The following HIP1R variants were observed in gnomAD, a reference collection of about 807,000 sequenced individuals.
HIP1R encodes huntingtin-interacting protein 1-related protein.
HIP1R carries 135 observed loss-of-function variants against 144.2 expected under a neutral mutation model. The observed-to-expected ratio is 0.94, with a 90% CI of 0.81 to 1.08. HIP1R has a LOEUF of 1.08. HIP1R is among the 50% of genes least tolerant of loss of function. The pLI, the probability that HIP1R is intolerant of heterozygous loss-of-function variation, is 0.00. For missense variants in HIP1R, 1,462 were observed against 1,432.8 expected (o/e 1.02, Z -0.33); for synonymous variants, 698 against 612.8 (o/e 1.14, Z -2.05).
Position 122,856,488 on chromosome 12 carries a change from G to C in HIP1R, c.1458G>C (p.Ala486=). ...CGCAGCAAAGCCAGGAGGAGGTGGC[G>C]CGGGTGAAGGAGCAGCTGGCCTTCC... is the stretch of plus-strand genomic sequence containing the variant. ...TVTQQSQEEV[A]RVKEQLAFQV... is the part of the protein sequence containing the mutation. Residue 486 remains alanine, a synonymous_variant, in exon 16 of 32, where the codon GCG becomes GCC. Transcript: ENST00000253083. 2.5e-6 allele frequency: 4 copies of C among 1,591,204 alleles called. No homozygotes were observed. The highest frequency in any genetic ancestry group is 3.4e-6 in the Non-Finnish European group (4 of 1,168,266).
Position 122,858,140 on chromosome 12 carries a change from C to T in HIP1R, c.1854C>T (p.Asp618=), listed in dbSNP as rs377459887. ...QEQGLRQRLL[D]EQFAVLRGAA... ...AGGGGCTGCGGCAGAGGCTGCTGGA[C>T]GAGCAGTTCGCAGTGTTGCGGGGCG... Residue 618 remains aspartate, a synonymous_variant, in exon 19 of 32, where the codon GAC becomes GAT. Coordinates refer to ENST00000253083, the MANE Select transcript of HIP1R (RefSeq NM_003959.3). 2.6e-5 allele frequency: 41 copies of T among 1,601,184 alleles called. No individual in the cohort carries two copies. The highest frequency in any genetic ancestry group is 2.4e-4 in the African/African-American group (18 of 74,814).
At chr12:122,847,779 G>A (rs1321249264) in intron 1 of HIP1R, among the ~76,000 whole-genome samples, 1 of 152,174 alleles carries the variant, frequency 6.6e-6, no homozygotes, top group Non-Finnish European at 1.5e-5. Flanking sequence ...GCCTCCCGGA[G>A]CCATAGCCCA....
chr12:122,860,567 C>A (rs1314246625), intron 27 of HIP1R, 44 bp downstream of exon 27: 1 of 1,583,048 alleles, frequency 6.3e-7, no homozygotes, highest in East Asian at 2.2e-5. Flanking sequence ...TGCTTCCTGC[C>A]AGTTGGAGCA....
Position 122,860,506 on chromosome 12 carries a change from G to C in HIP1R, c.2643G>C (p.Trp881Cys), listed in dbSNP as rs2033736413. 1 of 1,612,764 alleles carries C rather than the reference G, an allele frequency of 6.2e-7. No homozygotes were observed. Among genetic ancestry groups the C allele is most frequent in the Non-Finnish European group, 8.5e-7 (1 of 1,179,662 alleles). Residue 881 changes from tryptophan to cysteine, a missense_variant, in exon 27 of 32, where the codon TGG becomes TGC. Trp to Cys is a radical substitution (Grantham distance 215). Around this residue, in one of 2 missense-constraint regions of HIP1R, gnomAD observed 1,112 missense variants for 1,011.7 expected, o/e 1.10. Coordinates refer to ENST00000253083, the MANE Select transcript of HIP1R (RefSeq NM_003959.3). Reference sequence around the variant, plus strand: ...TCTCGGCCTCCAAGGCTGTGGGCTGGGGAGCCACACAGCTGGTGTAGGTTG... The same window carrying C: ...TCTCGGCCTCCAAGGCTGTGGGCTGCGGAGCCACACAGCTGGTGTAGGTTG... ...GLISASKAVG[W>C]GATQLVEAAD...
rs1181495996 is a variant in HIP1R, at chr12:122,861,155, C to T, written c.2915C>T (p.Ser972Phe). 2 of 1,613,132 alleles carry T rather than the reference C, an allele frequency of 1.2e-6. No individual in the cohort carries two copies. Among genetic ancestry groups the T allele is most frequent in the Non-Finnish European group, 8.5e-7 (1 of 1,179,948 alleles). Residue 972 changes from serine to phenylalanine, a missense_variant, in exon 30 of 32, where the codon TCC becomes TTC. Ser to Phe is a radical substitution (Grantham distance 155). Coordinates refer to ENST00000253083, the MANE Select transcript of HIP1R (RefSeq NM_003959.3). The part of the protein sequence containing the change: ...DRDTMDFSGL[S>F]LIKLKKQEME... ...GACACCATGGATTTCTCCGGCCTGT[C>T]CCTCATCAAGCTGAAGAAGCAGGAG...
chr12:122,858,059 T>C, intron 18 of HIP1R, 43 bp from the exon 19 acceptor site: 13 of 1,481,304 alleles, frequency 8.8e-6, no homozygotes, highest in Non-Finnish European at 1.2e-5. Context: ...ATCCTTGGCC[T>C]TGGGGAGGAT....
chr12:122,835,144 G>C (rs1357337729), upstream of HIP1R: 1 of 606,408 alleles, frequency 1.6e-6, no homozygotes, highest in African/African-American at 2.2e-5. Flanking sequence ...GTGGGGAGGA[G>C]CTGGGGGGGC....
rs770053037 is a variant in HIP1R, at chr12:122,858,151, C to A, written c.1865C>A (p.Ala622Glu). ...LRQRLLDEQF[A>E]VLRGAAAEAA... Reference sequence around the variant, plus strand: ...CAGAGGCTGCTGGACGAGCAGTTCGCAGTGTTGCGGGGCGCTGCTGCCGAG... The same window carrying A: ...CAGAGGCTGCTGGACGAGCAGTTCGAAGTGTTGCGGGGCGCTGCTGCCGAG... Residue 622 changes from alanine to glutamate, a missense_variant, in exon 19 of 32, where the codon GCA (alanine) becomes GAA (glutamate). Ala to Glu is a moderately radical substitution (Grantham distance 107). Around this residue, in one of 2 missense-constraint regions of HIP1R, gnomAD observed 1,112 missense variants for 1,011.7 expected, o/e 1.10. Transcript: ENST00000253083. 4 of 1,604,448 alleles carry A rather than the reference C, an allele frequency of 2.5e-6. No homozygotes were observed. In the South Asian group the frequency reaches 4.4e-5, roughly 18 times the overall value.
At chr12:122,848,304 A>G (rs2033268831) in intron 2 of HIP1R, among the ~76,000 whole-genome samples, 162 bp from the exon 3 acceptor site, 1 of 151,726 alleles carries the variant, frequency 6.6e-6, no homozygotes. Context: ...TCTTGCCCTA[A>G]CTCCTGTCCC....
At chr12:122,847,246 C>T (rs927511903) in intron 1 of HIP1R, among the ~76,000 whole-genome samples, 2 of 152,040 alleles carry the variant, frequency 1.3e-5, no homozygotes, top group African/African-American at 4.8e-5. Flanking sequence ...GTGAGCCCTC[C>T]TCGAGAGCAC....
Position 122,836,048 on chromosome 12 carries a change from G to A in HIP1R, c.93+405G>A, listed in dbSNP as rs1320587424. On this transcript the variant is annotated intron_variant, in intron 1 of 31. Coordinates refer to ENST00000253083, the MANE Select transcript of HIP1R (RefSeq NM_003959.3). The surrounding 1 kb of genome is among the most constrained non-coding windows in gnomAD (Gnocchi z 4.1). ...GGTCGAGGGGGCTGGGGATCCAGGT[G>A]CTCCCGGGGCCGGCGCGGCCCGACT... is the stretch of plus-strand genomic sequence containing the variant. Among the ~76,000 whole-genome samples, 1 of 151,846 alleles carries A rather than the reference G, an allele frequency of 6.6e-6. No individual in the cohort carries two copies. Among genetic ancestry groups the A allele is most frequent in the African/African-American group, 2.4e-5 (1 of 41,366 alleles).
rs568357520 is a variant in HIP1R, at chr12:122,858,839, C to T, written c.2052C>T (p.Asp684=). ...GHAQYLTSLA[D]ASALVAALTR... ...CCTTGGCCCCACCCACCCGCACAGA[C>T]GCCTCCGCCCTGGTGGCAGCTCTGA... The change falls in exon 21 of 32, where the codon GAC becomes GAT. Residue 684 remains aspartate (D), a splice_region_variant and synonymous_variant. Coordinates refer to ENST00000253083, the MANE Select transcript of HIP1R (RefSeq NM_003959.3). The T allele has an allele frequency of 3.5e-5, 57 of 1,610,574 alleles. 1 individual carries two copies. Among genetic ancestry groups the T allele is most frequent in the South Asian group, 9.9e-5 (9 of 91,040 alleles).
rs778175176 is a variant in HIP1R, at chr12:122,856,489, C to A, written c.1459C>A (p.Arg487=). The A allele has an allele frequency of 3.8e-6, 6 of 1,591,430 alleles. No homozygotes were observed. In the Admixed American group the frequency reaches 5.4e-5, roughly 14 times the overall value. ...VTQQSQEEVA[R]VKEQLAFQVE... is the part of the protein sequence containing the mutation. The stretch of plus-strand genomic sequence containing the variant: ...GCAGCAAAGCCAGGAGGAGGTGGCG[C>A]GGGTGAAGGAGCAGCTGGCCTTCCA... The change falls in exon 16 of 32, where the codon CGG becomes AGG. Residue 487 remains arginine (R), a synonymous_variant. Coordinates refer to ENST00000253083, the MANE Select transcript of HIP1R (RefSeq NM_003959.3).
intron 18 of HIP1R, 164 bp downstream of exon 18, chr12:122,857,379 G>A (rs2033621516): frequency 1.4e-6 from 1 of 696,328 alleles, no homozygotes. Flanking sequence ...GTTGTCAAGG[G>A]TCACCACATC....
chr12:122,859,462 G>A lies in HIP1R; in HGVS notation c.2332G>A (p.Glu778Lys). 1 of 1,613,560 alleles carries A rather than the reference G, an allele frequency of 6.2e-7. No homozygotes were observed. The highest frequency in any genetic ancestry group is 8.5e-7 in the Non-Finnish European group (1 of 1,180,000). The change falls in exon 23 of 32, where the codon GAG (glutamate) becomes AAG (lysine). Residue 778 changes from glutamate (E) to lysine (K), a missense_variant. This residue lies in a region of HIP1R where 1,112 missense variants were observed against 1,011.7 expected (regional missense o/e 1.10). Transcript: ENST00000253083. ...CAAGAGCCTAGATGTGCGGCAGGAG[G>A]AGCTGGGGGCCGTGGTCGACAAGGA... The part of the protein sequence containing the change: ...KPKSLDVRQE[E>K]LGAVVDKEMA...
At position 122,861,511 on chromosome 12, in the gene HIP1R, C is replaced by T. The variant is rs371816298; in HGVS notation, c.3156C>T (p.His1052=). The T allele has an allele frequency of 6.2e-7, 1 of 1,610,186 alleles. No individual in the cohort carries two copies. The highest frequency in any genetic ancestry group is 8.5e-7 in the Non-Finnish European group (1 of 1,178,384). Residue 1052 remains histidine (H), a synonymous_variant, in exon 31 of 32, where the codon CAC becomes CAT. Transcript: ENST00000253083. ...CCAGCGTGGCCCCCAGACAGGACCA[C>T]CAGGTGCCGTCTGCACTGGGATGGG... ...QKPSVAPRQD[H]QLDKKDGIYP... is the part of the protein sequence containing the mutation.
chr12:122,848,629 C>G (rs2033281729), intron 3 of HIP1R, 21 bp downstream of exon 3: 2 of 1,604,108 alleles, frequency 1.2e-6, no homozygotes, highest in Non-Finnish European at 1.7e-6. Flanking sequence ...GCTGCTGCCT[C>G]TGCTCCCCGG....
At position 122,860,753 on chromosome 12, in the gene HIP1R, C is replaced by G. The variant is rs530318995; in HGVS notation, c.2735C>G (p.Ala912Gly). ...ELIVCSHEIA[A>G]STAQLVAASK... ...ATCGTCTGCTCCCACGAGATCGCAG[C>G]CAGCACGGCCCAGCTGGTGGCGGCC... Residue 912 changes from alanine to glycine, a missense_variant, in exon 28 of 32, where the codon GCC becomes GGC. Around this residue, in one of 2 missense-constraint regions of HIP1R, gnomAD observed 1,112 missense variants for 1,011.7 expected, o/e 1.10. Transcript: ENST00000253083. 4 of 1,613,142 alleles carry G rather than the reference C, an allele frequency of 2.5e-6. No homozygotes were observed. In the South Asian group the frequency reaches 4.4e-5, roughly 18 times the overall value.
rs762888296 is a variant in HIP1R, at chr12:122,848,466, G to A, written c.158G>A (p.Arg53His). 3 of 1,609,992 alleles carry A rather than the reference G, an allele frequency of 1.9e-6. No homozygotes were observed. The Admixed American group carries it at 5.0e-5, about 27-fold the overall frequency. The change falls in exon 3 of 32, where the codon CGC becomes CAC. Residue 53 changes from arginine (R) to histidine (H), a missense_variant and splice_region_variant. Physicochemically the swap from Arg to His is conservative, Grantham distance 29. This residue lies in a region of HIP1R where 350 missense variants were observed against 421.1 expected (regional missense o/e 0.83). Coordinates refer to ENST00000253083, the MANE Select transcript of HIP1R (RefSeq NM_003959.3). ...EAPVKEKHAR[R>H]IILGTHHEKG... is the part of the protein sequence containing the mutation. ...TCCACACTTGGCCTTGACATTGCAG[G>A]CATCATTCTGGGCACACACCACGAG... is the stretch of plus-strand genomic sequence containing the variant.
Sources: allele counts gnomAD v4.1 joint callset (sites outside exome capture counted in the v4.1 genomes callset), GRCh38; gene constraint gnomAD v4.1.1; regional missense constraint gnomAD v4.1.1; non-coding constraint Gnocchi (gnomAD v3.1); transcripts MANE v1.5; gene names NCBI Gene and HGNC (gene_info 2026-07-23, HGNC 2026-07-21).